Variants in CAMK2A observed in about 807,000 individuals in gnomAD.
CAMK2A encodes the protein calcium/calmodulin-dependent protein kinase type II subunit alpha.
In CAMK2A, 7 loss-of-function variants were observed where a neutral mutation model predicts 79.2. The observed-to-expected ratio is 0.09, with a 90% CI of 0.05 to 0.17. The LOEUF is 0.17. Ranked by LOEUF, CAMK2A falls within the 10% of genes least tolerant of loss-of-function variation. CAMK2A has a pLI of 1.00. For synonymous variants in CAMK2A, 242 were observed against 251.7 expected (o/e 0.96, Z 0.36); for missense variants, 214 against 646.4 (o/e 0.33, Z 7.25).
At chr5:150,277,205 C>T (rs2150305376) in intron 1 of CAMK2A, among the ~76,000 whole-genome samples, 1 of 152,340 alleles carries the variant, frequency 6.6e-6, no homozygotes, top group South Asian at 2.1e-4. Context: ...CAGAGCAAGA[C>T]TCTGTCTCAA....
rs377022515 is a variant in CAMK2A, at chr5:150,267,595, C to T, written c.158-2580G>A. ...CTGCATTTTCACTGTTGAAAGCATT[C>T]ATCCTACTGAGTGTAAACATATACA... On this transcript the variant is annotated intron_variant, in intron 2 of 18. Transcript: ENST00000671881. Among the ~76,000 whole-genome samples, 50 of 152,356 alleles carry T rather than the reference C, an allele frequency of 3.3e-4. 3 individuals carry two copies. Among genetic ancestry groups the T allele is most frequent in the South Asian group, 3.1e-3 (15 of 4,826 alleles).
In CAMK2A at chr5:150,240,767, G is replaced by A. The variant is rs543705122; in HGVS notation, c.985-1031C>T. Among the ~76,000 whole-genome samples the A allele has an allele frequency of 1.5e-4, 23 of 152,302 alleles. 1 individual carries two copies. The East Asian group carries it at 2.1e-3, about 14-fold the overall frequency. On this transcript the variant is annotated intron_variant, in intron 13 of 18. Transcript: ENST00000671881. Reference sequence around the variant, plus strand: ...GAGCTGAGGCTAGAACCCAGGCCCTGCGTTCAGGCTCTTTCCTCTGTCCAG... The same window carrying A: ...GAGCTGAGGCTAGAACCCAGGCCCTACGTTCAGGCTCTTTCCTCTGTCCAG...
chr5:150,250,323 G>A lies in CAMK2A; in HGVS notation c.817-14C>T, dbSNP rs1755776164. 1 of 1,611,342 alleles carries A rather than the reference G, an allele frequency of 6.2e-7. No homozygotes were observed. The highest frequency in any genetic ancestry group is 8.5e-7 in the Non-Finnish European group (1 of 1,177,802). ...GGTGGAGCGGTGCTGGAGGAAGTAG[G>A]GGAGAGGGCTGTGAGTGGAAGGCAG... On this transcript the variant is annotated splice_polypyrimidine_tract_variant and intron_variant, in intron 10 of 18. Transcript: ENST00000671881.
intron 13 of CAMK2A, among the ~76,000 whole-genome samples, chr5:150,241,422 TTCCCC>T (rs528795396): frequency 6.4e-4 from 90 of 141,358 alleles, no homozygotes; most frequent in South Asian, 2.5e-3. Flanking sequence ...CTCTCTTCTC[TTCCCC>T]TCCCCTCCCC....
chr5:150,260,253 G>A (rs970773562), intron 3 of CAMK2A, among the ~76,000 whole-genome samples: 2 of 151,982 alleles, frequency 1.3e-5, no homozygotes, highest in South Asian at 2.1e-4. Flanking sequence ...TCAGGAGATC[G>A]AGACCATCCT....
rs1756816939 is a variant in CAMK2A at position 150,273,092 on chromosome 5, T to A, written c.130A>T (p.Ile44Phe). 6.2e-7 allele frequency: 1 copy of A among 1,613,362 alleles called. No homozygotes were observed. The highest frequency in any genetic ancestry group is 1.3e-5 in the African/African-American group (1 of 74,708). ...CTGGCTGACAGCTTCTTTGTGTTGA[T>A]GATCTTGGCAGCATACTCCTGGCCA... ...LAGQEYAAKI[I>F]NTKKLSARDH... The change falls in exon 2 of 19, where the codon ATC becomes TTC. Residue 44 changes from isoleucine to phenylalanine, a missense_variant. Transcript: ENST00000671881.
At chr5:150,279,422 C>T (rs1223747902) in intron 1 of CAMK2A, among the ~76,000 whole-genome samples, 3 of 152,142 alleles carry the variant, frequency 2.0e-5, no homozygotes, top group East Asian at 1.9e-4. Context: ...CTGCAAAATA[C>T]GGATAATAAT....
intron 2 of CAMK2A, among the ~76,000 whole-genome samples, chr5:150,268,623 T>G (rs1368110549): frequency 1.3e-5 from 2 of 152,180 alleles, no homozygotes; most frequent in Non-Finnish European, 2.9e-5. Flanking sequence ...GAGTAAGACC[T>G]TTTCTGTTGG....
rs912594062 is a variant in CAMK2A at position 150,221,686 on chromosome 5, C to T, written c.*1024G>A. On this transcript the variant is annotated 3_prime_UTR_variant, in exon 19 of 19. Transcript: ENST00000671881. ...ACCGAAATGGCAGAGAGGCCCTTCTCCCCGGAGCTGAGTCCACCTTGGCCC... is the reference window on the plus strand; with the variant it reads ...ACCGAAATGGCAGAGAGGCCCTTCTTCCCGGAGCTGAGTCCACCTTGGCCC... 2.5e-6 allele frequency: 1 copy of T among 397,768 alleles called. No homozygotes were observed. Among genetic ancestry groups the T allele is most frequent in the Non-Finnish European group, 4.4e-6 (1 of 225,822 alleles). The allele number at this position is 397,768 out of a possible 1,614,324, so 24.6% of individuals were successfully genotyped here. A position where few individuals can be genotyped will look rare whatever the true frequency, so the allele number is the denominator to read the frequency against.
At chr5:150,243,636 G>A (rs1755440386) in intron 13 of CAMK2A, among the ~76,000 whole-genome samples, 1 of 152,286 alleles carries the variant, frequency 6.6e-6, no homozygotes, top group South Asian at 2.1e-4. Context: ...TTACCCAAAA[G>A]TCTAATACAT....
At chr5:150,287,406 G>A (rs552879977) in intron 1 of CAMK2A, among the ~76,000 whole-genome samples, 2 of 152,314 alleles carry the variant, frequency 1.3e-5, no homozygotes, top group Admixed American at 6.5e-5. Context: ...GAAGGAAGAA[G>A]TCTGAAATTG....
chr5:150,289,011 C>T (rs779236029), intron 1 of CAMK2A, among the ~76,000 whole-genome samples: 85 of 152,284 alleles, frequency 5.6e-4, no homozygotes, highest in Non-Finnish European at 1.1e-3. Flanking sequence ...CCCTACTGTA[C>T]TGACGCCCTC....
chr5:150,221,532 A>C lies in CAMK2A; in HGVS notation c.*1178T>G. ...CCCCAGTTTGCGAGGGAAGCAAAGA[A>C]AAGTCCAGGTATTTCCATCCTGACA... On this transcript the variant is annotated 3_prime_UTR_variant, in exon 19 of 19. Coordinates refer to ENST00000671881, the MANE Select transcript of CAMK2A (RefSeq NM_015981.4). 2.5e-6 allele frequency: 1 copy of C among 398,724 alleles called. No individual in the cohort carries two copies. 24.7% of individuals were successfully genotyped at this position (398,724 alleles called of 1,614,324 possible).
intron 14 of CAMK2A, among the ~76,000 whole-genome samples, chr5:150,239,157 G>A (rs1014530559): frequency 6.6e-6 from 1 of 152,126 alleles, no homozygotes; most frequent in African/African-American, 2.4e-5. Flanking sequence ...GCTCTTCAGA[G>A]GGGAGAAAAA....
At chr5:150,287,221 C>T (rs1289135531) in intron 1 of CAMK2A, among the ~76,000 whole-genome samples, 1 of 152,244 alleles carries the variant, frequency 6.6e-6, no homozygotes, top group Non-Finnish European at 1.5e-5. Context: ...CTAACACAAG[C>T]TTCTGCAAAC....
At chr5:150,281,653 T>C (rs1562204500) in intron 1 of CAMK2A, among the ~76,000 whole-genome samples, 1 of 152,216 alleles carries the variant, frequency 6.6e-6, no homozygotes, top group Non-Finnish European at 1.5e-5. Context: ...AGGTCCATAG[T>C]TGGGCTTGGA....
chr5:150,280,436 G>A (rs1052872739), intron 1 of CAMK2A, among the ~76,000 whole-genome samples: 3 of 151,908 alleles, frequency 2.0e-5, no homozygotes, highest in Admixed American at 1.3e-4. Flanking sequence ...CAAAACAACC[G>A]AGAACCTTTC....
At chr5:150,270,107 G>A (rs1314619201) in intron 2 of CAMK2A, among the ~76,000 whole-genome samples, 1 of 152,212 alleles carries the variant, frequency 6.6e-6, no homozygotes, top group East Asian at 1.9e-4. Flanking sequence ...CAGTGGGGAG[G>A]ACGAGCTAGG....
chr5:150,250,628 G>A (rs1469443081), intron 10 of CAMK2A, 60 bp downstream of exon 10: 1 of 1,600,674 alleles, frequency 6.2e-7, no homozygotes, highest in Admixed American at 1.7e-5. Context: ...AACTCTGTGG[G>A]GGCCTGGATC....
Sources: allele counts gnomAD v4.1 joint callset (sites outside exome capture counted in the v4.1 genomes callset), GRCh38; gene constraint gnomAD v4.1.1; transcripts MANE v1.5; gene names NCBI Gene and HGNC (gene_info 2026-07-23, HGNC 2026-07-21).